Variants in AFTPH observed in about 807,000 individuals in gnomAD.
AFTPH encodes aftiphilin.
Under a neutral mutation model 72.5 loss-of-function variants are expected in AFTPH, and 7 were observed. That is an observed-to-expected ratio of 0.10 (90% confidence interval 0.05 to 0.18). The LOEUF (loss-of-function observed/expected upper bound fraction) is 0.18. Ranked by LOEUF, AFTPH falls within the 10% of genes least tolerant of loss-of-function variation. The pLI, the probability that AFTPH is intolerant of heterozygous loss-of-function variation, is 1.00. For synonymous variants in AFTPH, 337 were observed against 370.1 expected, an observed-to-expected ratio of 0.91 and a Z score of 1.03; for missense variants, 979 against 1,060.5, an observed-to-expected ratio of 0.92 and a Z score of 1.07.
chr2:64,563,332 T>A lies in AFTPH; in HGVS notation c.1936-4230T>A, dbSNP rs555731549. ...AAATAATATATGTACCCCCAAAAAATTTTTGAAAAACAAATTTGAAACCTT... is the reference window on the plus strand; with the variant it reads ...AAATAATATATGTACCCCCAAAAAAATTTTGAAAAACAAATTTGAAACCTT... On this transcript the variant is annotated intron_variant, in intron 2 of 8. Coordinates refer to ENST00000238856, the Ensembl canonical transcript of AFTPH. Among the ~76,000 whole-genome samples, 38 of 152,326 alleles carry A rather than the reference T, an allele frequency of 2.5e-4. 1 individual carries two copies. Among genetic ancestry groups the A allele is most frequent in the Middle Eastern group, 3.4e-3 (1 of 294 alleles).
chr2:64,561,498 G>A (rs1467834639), intron 2 of AFTPH, among the ~76,000 whole-genome samples: 6 of 152,100 alleles, frequency 3.9e-5, no homozygotes, highest in African/African-American at 1.4e-4. Context: ...GCAACATAGT[G>A]AGACGCCATC....
chr2:64,559,692 A>G (rs1671598104), intron 2 of AFTPH, among the ~76,000 whole-genome samples: 2 of 152,050 alleles, frequency 1.3e-5, no homozygotes, highest in African/African-American at 4.8e-5. Context: ...CTCCCAGAAT[A>G]ACATGTTTTC....
At chr2:64,552,684 A>C (rs746654870) in exon 2 of AFTPH, 1 of 1,614,190 alleles carries the variant, frequency 6.2e-7, no homozygotes, top group South Asian at 1.1e-5. Context: ...CACAGAAGAA[A>C]ATGATTTGGA....
Position 64,581,283 on chromosome 2 carries a change from G to T in AFTPH, c.2455+1737G>T. ...AGCACCACAATCCCAGGTCAGCAGA[G>T]TGTTAAAACCACAATTCCAGTTTAT... On this transcript the variant is annotated intron_variant, in intron 7 of 8. Transcript: ENST00000238856. 1 of 1,577,320 alleles carries T rather than the reference G, an allele frequency of 6.3e-7. No individual in the cohort carries two copies. Among genetic ancestry groups the T allele is most frequent in the Non-Finnish European group, 8.6e-7 (1 of 1,161,666 alleles).
chr2:64,584,742 G>A (rs919144099), intron 7 of AFTPH, among the ~76,000 whole-genome samples: 1 of 151,766 alleles, frequency 6.6e-6, no homozygotes, highest in Admixed American at 6.6e-5. Flanking sequence ...GACTACAGGC[G>A]CCCACCACCA....
At chr2:64,545,835 G>C (rs556907641) in intron 1 of AFTPH, among the ~76,000 whole-genome samples, 3 of 151,932 alleles carry the variant, frequency 2.0e-5, no homozygotes, top group African/African-American at 7.3e-5. Context: ...TCTGAATAGA[G>C]GATAAAATTG....
intron 7 of AFTPH, chr2:64,580,858 T>G (rs1459116594): frequency 6.1e-6 from 1 of 164,570 alleles, no homozygotes; most frequent in African/African-American, 2.4e-5. Context: ...ATTGTTTCCC[T>G]TTAACGGGTA....
At chr2:64,570,715 G>C (rs1248302411) in intron 5 of AFTPH, among the ~76,000 whole-genome samples, 2 of 152,120 alleles carry the variant, frequency 1.3e-5, no homozygotes, top group African/African-American at 2.4e-5. Flanking sequence ...TATGGAACTA[G>C]GAGTTTAATT....
chr2:64,544,065 A>C (rs1034232015), intron 1 of AFTPH, among the ~76,000 whole-genome samples: 1 of 152,100 alleles, frequency 6.6e-6, no homozygotes, highest in South Asian at 2.1e-4. Flanking sequence ...TGGACCTTCT[A>C]TGCCAGAATT....
chr2:64,528,046 G>A (rs1265583407), intron 1 of AFTPH, among the ~76,000 whole-genome samples: 1 of 152,242 alleles, frequency 6.6e-6, no homozygotes, highest in Non-Finnish European at 1.5e-5. Context: ...TCCTATGGTT[G>A]TCAGTCACTG....
rs183655011 is a variant in AFTPH, at chr2:64,554,891, A to G, written c.1935+1482A>G. On this transcript the variant is annotated intron_variant, in intron 2 of 8. Transcript: ENST00000238856. ...AATTTGTAGCCTTAGAACTTTTAAC[A>G]TCATCAGATAATGAATTTTTTAAAG... Among the ~76,000 whole-genome samples, 279 of 152,344 alleles carry G rather than the reference A, an allele frequency of 1.8e-3. 2 individuals carry two copies. Among genetic ancestry groups the G allele is most frequent in the African/African-American group, 6.3e-3 (260 of 41,576 alleles).
exon 3 of AFTPH, chr2:64,567,680 C>G: frequency 6.2e-7 from 1 of 1,613,206 alleles, no homozygotes. Context: ...AGCACTTTGC[C>G]AATAAAAACG....
chr2:64,528,862 G>A (rs1669437284), intron 1 of AFTPH, among the ~76,000 whole-genome samples: 1 of 152,148 alleles, frequency 6.6e-6, no homozygotes. Context: ...GTCATTGCAG[G>A]ATTTTTGAGT....
rs1167933897 is a variant in AFTPH, at chr2:64,591,884, G to A, written c.2580-1G>A. The A allele has an allele frequency of 6.2e-7, 1 of 1,613,104 alleles. No individual in the cohort carries two copies. The highest frequency in any genetic ancestry group is 1.1e-5 in the South Asian group (1 of 90,982). On this transcript the variant is annotated splice_acceptor_variant, in intron 8 of 8. Transcript: ENST00000238856. LOFTEE classifies it high-confidence loss of function. ...ACACTTGTCTTTTTTTCATTTGTCA[G>A]TAGGAAACCGAAAAGAGAAGAGCAC...
intron 8 of AFTPH, 110 bp from the exon 10 acceptor site, chr2:64,591,778 A>T: frequency 1.7e-6 from 2 of 1,192,698 alleles, no homozygotes; most frequent in East Asian, 2.4e-5. Context: ...AGGAAAAAAT[A>T]CTCAAGTCCC....
intron 1 of AFTPH, among the ~76,000 whole-genome samples, chr2:64,530,760 T>G (rs550778628): frequency 6.6e-6 from 1 of 152,254 alleles, no homozygotes; most frequent in Non-Finnish European, 1.5e-5. Flanking sequence ...TTACTAAATT[T>G]TCCTTAAAAC....
chr2:64,550,658 T>C (rs1240698565), intron 1 of AFTPH, among the ~76,000 whole-genome samples: 7 of 147,332 alleles, frequency 4.8e-5, no homozygotes, highest in African/African-American at 1.8e-4. Context: ...ACATATAAAA[T>C]TTTTAGAACT....
At chr2:64,576,153 G>GTA (rs1558627002) in intron 6 of AFTPH, among the ~76,000 whole-genome samples, 1 of 146,880 alleles carries the variant, frequency 6.8e-6, no homozygotes, top group Non-Finnish European at 1.5e-5. Flanking sequence ...GTGTGTGTGT[G>GTA]TGTATGTATA....
chr2:64,556,859 C>G (rs193255337), intron 2 of AFTPH, among the ~76,000 whole-genome samples: 2 of 152,142 alleles, frequency 1.3e-5, no homozygotes, highest in Non-Finnish European at 2.9e-5. Context: ...CTTGTCCCTT[C>G]GGTGAATAAT....
Sources: allele counts gnomAD v4.1 joint callset (sites outside exome capture counted in the v4.1 genomes callset), GRCh38; gene constraint gnomAD v4.1.1; transcripts MANE v1.5; gene names NCBI Gene and HGNC (gene_info 2026-07-23, HGNC 2026-07-21).